PDE8B: variants seen among roughly 807,000 people sequenced by gnomAD.
The protein encoded by PDE8B is phosphodiesterase 8B, also known as high affinity cAMP-specific and IBMX-insensitive 3',5'-cyclic phosphodiesterase 8B.
PDE8B carries 26 observed loss-of-function variants against 101.3 expected under a neutral mutation model. The ratio of observed to expected loss-of-function variants is 0.26; its 90% CI spans 0.19 to 0.36. The LOEUF (loss-of-function observed/expected upper bound fraction) is 0.36, where lower values mean the gene tolerates loss of function less well. PDE8B is among the 10% of genes least tolerant of loss of function. PDE8B has a pLI of 1.00. For missense variants in PDE8B, 810 were observed against 1,163.1 expected (o/e 0.70, Z 4.42); for synonymous variants, 424 against 429.3 (o/e 0.99, Z 0.15).
chr5:77,353,390 C>A lies in PDE8B; in HGVS notation c.1151C>A (p.Thr384Asn). 6.2e-7 allele frequency: 1 copy of A among 1,600,656 alleles called. No homozygotes were observed. Among genetic ancestry groups the A allele is most frequent in the Non-Finnish European group, 8.6e-7 (1 of 1,167,742 alleles). The change falls in exon 10 of 22, where the codon ACT becomes AAT. Residue 384 changes from threonine (T) to asparagine (N), a missense_variant. Physicochemically the swap from Thr to Asn is moderately conservative, Grantham distance 65. Transcript: ENST00000264917. ...FVSLKKLCCTTDNNKQIHKIH... is the reference protein window; with the variant it reads ...FVSLKKLCCTNDNNKQIHKIH... ...TCGCTCAAGAAACTGTGTTGTACCACTGACAATAATAAGCAGGTATGGTAT... is the reference window on the plus strand; with the variant it reads ...TCGCTCAAGAAACTGTGTTGTACCAATGACAATAATAAGCAGGTATGGTAT...
chr5:77,334,897 C>A (rs1438277129), intron 5 of PDE8B, among the ~76,000 whole-genome samples: 1 of 152,194 alleles, frequency 6.6e-6, no homozygotes, highest in Non-Finnish European at 1.5e-5. Context: ...TTTGGGGAAT[C>A]AGTGAAAACT....
At chr5:77,191,741 G>A in the PDE8B span, among the ~76,000 whole-genome samples, 1 of 152,186 alleles carries the variant, frequency 6.6e-6, no homozygotes, top group Non-Finnish European at 1.5e-5. Context: ...CAGATCGAAG[G>A]TGGGGATTGT....
rs557912872 is a variant in PDE8B at position 77,237,918 on chromosome 5, ACTAC to A, written c.339+26657_339+26660del. Among the ~76,000 whole-genome samples the A allele has an allele frequency of 4.7e-3, 713 of 152,248 alleles. 3 individuals carry two copies. Among genetic ancestry groups the A allele is most frequent in the African/African-American group, 0.016 (667 of 41,562 alleles). Reference sequence around the variant, plus strand: ...CCCAGGACTTTGAAGATGATATTTCACTACCTTCTGTCTCCCATGGTTTCTGGTG... The same window carrying A: ...CCCAGGACTTTGAAGATGATATTTCACTTCTGTCTCCCATGGTTTCTGGTG... On this transcript the variant is annotated intron_variant, in intron 1 of 21. Coordinates refer to ENST00000264917, the MANE Select transcript of PDE8B (RefSeq NM_003719.5).
chr5:77,093,976 A>C, the PDE8B span, among the ~76,000 whole-genome samples: 1 of 152,090 alleles, frequency 6.6e-6, no homozygotes, highest in Non-Finnish European at 1.5e-5. Context: ...GCCACAACAA[A>C]GTATCACAAA....
At chr5:77,409,732 GTTTA>G (rs920025983) in intron 14 of PDE8B, among the ~76,000 whole-genome samples, 9 of 152,158 alleles carry the variant, frequency 5.9e-5, no homozygotes, top group African/African-American at 1.2e-4. Flanking sequence ...AATTCAAATT[GTTTA>G]TTTGAGTTCC....
At chr5:77,404,266 A>G (rs576745753) in intron 11 of PDE8B, among the ~76,000 whole-genome samples, 9 of 152,110 alleles carry the variant, frequency 5.9e-5, no homozygotes, top group Middle Eastern at 3.4e-3. Context: ...ACTTATAGGC[A>G]TGAGCCACTG....
intron 1 of PDE8B, among the ~76,000 whole-genome samples, chr5:77,261,657 C>T (rs1373260863): frequency 6.6e-6 from 1 of 152,188 alleles, no homozygotes; most frequent in Non-Finnish European, 1.5e-5. Context: ...AGATTGCCGG[C>T]CAGAGGGCCT....
At chr5:77,290,298 T>C (rs1250923014) in intron 1 of PDE8B, 1 of 1,542,268 alleles carries the variant, frequency 6.5e-7, no homozygotes, top group African/African-American at 1.4e-5. Flanking sequence ...TCAGCCCCAG[T>C]ATGCATGGCT....
chr5:77,263,909 C>G (rs1251157328), intron 1 of PDE8B, among the ~76,000 whole-genome samples: 2 of 152,164 alleles, frequency 1.3e-5, no homozygotes, highest in East Asian at 1.9e-4. Flanking sequence ...CAAGAGAAAG[C>G]CTCTACATTA....
At chr5:77,126,208 C>T in the PDE8B span, among the ~76,000 whole-genome samples, 1 of 151,856 alleles carries the variant, frequency 6.6e-6, no homozygotes, top group Non-Finnish European at 1.5e-5. Flanking sequence ...ATAGCTTGAA[C>T]TGGGAGGTGG....
At chr5:77,101,861 C>T in the PDE8B span, among the ~76,000 whole-genome samples, 3 of 151,770 alleles carry the variant, frequency 2.0e-5, no homozygotes, top group Admixed American at 6.6e-5. Context: ...CCAGAGGCTG[C>T]GGGGTGGGGG....
chr5:77,366,053 C>T (rs1784072199), intron 10 of PDE8B, among the ~76,000 whole-genome samples: 1 of 152,206 alleles, frequency 6.6e-6, no homozygotes, highest in Admixed American at 6.5e-5. Context: ...ATTCAGCTGA[C>T]AGGTTTTTGG....
At chr5:77,368,961 G>C (rs1263312328) in intron 10 of PDE8B, among the ~76,000 whole-genome samples, 2 of 152,108 alleles carry the variant, frequency 1.3e-5, no homozygotes, top group South Asian at 2.1e-4. Flanking sequence ...CCAGCACTTT[G>C]GGAGGCTGAA....
chr5:77,347,828 A>C lies in PDE8B; in HGVS notation c.877-1591A>C, dbSNP rs575644228. On this transcript the variant is annotated intron_variant, in intron 7 of 21. Coordinates refer to ENST00000264917, the MANE Select transcript of PDE8B (RefSeq NM_003719.5). ...TTATAAGCAGAGAGAGCACGTGGGG[A>C]AAGGCCCGGAGATGAGAGAGACATG... Among the ~76,000 whole-genome samples, 3 of 152,206 alleles carry C rather than the reference A, an allele frequency of 2.0e-5. No homozygotes were observed. The South Asian group carries it at 6.2e-4, about 32-fold the overall frequency.
At chr5:77,269,353 T>A (rs892215086) in intron 1 of PDE8B, among the ~76,000 whole-genome samples, 4 of 152,206 alleles carry the variant, frequency 2.6e-5, no homozygotes, top group African/African-American at 9.6e-5. Flanking sequence ...TTGTTTGAGC[T>A]CCTTATATAT....
chr5:77,343,106 A>G (rs1779511556), intron 6 of PDE8B, among the ~76,000 whole-genome samples: 1 of 152,196 alleles, frequency 6.6e-6, no homozygotes, highest in African/African-American at 2.4e-5. Context: ...ATTTCACTGA[A>G]TTACAATTCT....
chr5:77,411,989 A>T (rs1349909586), intron 15 of PDE8B, 111 bp from the exon 16 acceptor site: 1 of 1,105,358 alleles, frequency 9.0e-7, no homozygotes, highest in Non-Finnish European at 1.4e-6. Context: ...ATAACAGAAA[A>T]ATCAGGTACA....
chr5:77,242,470 C>A (rs1232863727), intron 1 of PDE8B, among the ~76,000 whole-genome samples: 1 of 152,094 alleles, frequency 6.6e-6, no homozygotes, highest in Non-Finnish European at 1.5e-5. Flanking sequence ...TAGTGGAGAT[C>A]CAGTGCTGTT....
intron 10 of PDE8B, among the ~76,000 whole-genome samples, chr5:77,368,598 G>A (rs1304462138): frequency 6.6e-6 from 1 of 152,166 alleles, no homozygotes; most frequent in Non-Finnish European, 1.5e-5. Flanking sequence ...CACTACACAG[G>A]TCATCCCAGG....
Sources: gnomAD v4.1 joint callset for allele counts (sites outside exome capture counted in the v4.1 genomes callset) on GRCh38, gnomAD v4.1.1 for gene constraint, MANE v1.5 for transcripts, NCBI Gene and HGNC (gene_info 2026-07-23, HGNC 2026-07-21) for gene names.